Variants in EBAG9 observed in about 807,000 individuals in gnomAD.
The protein encoded by EBAG9 is estrogen receptor binding site associated antigen 9, also known as receptor-binding cancer antigen expressed on SiSo cells.
A neutral mutation model predicts 30.9 loss-of-function variants in EBAG9; 16 were observed. That is an observed-to-expected ratio of 0.52 (90% confidence interval 0.35 to 0.79). EBAG9 has a LOEUF of 0.79. Among genes scored for constraint, EBAG9 ranks in the 30% least tolerant of loss-of-function variants. The pLI is 0.01. For synonymous variants in EBAG9, 93 were observed against 82.8 expected (o/e 1.12, Z -0.67); for missense variants, 197 against 242.1 (o/e 0.81, Z 1.24).
Position 109,560,898 on chromosome 8 carries a change from G to A in EBAG9, c.490G>A (p.Asp164Asn). The change falls in exon 6 of 7, where the codon GAT (aspartate) becomes AAT (asparagine). Residue 164 changes from aspartate (D) to asparagine (N), a missense_variant. Physicochemically the swap from Asp to Asn is conservative, Grantham distance 23. Coordinates refer to ENST00000337573, the MANE Select transcript of EBAG9 (RefSeq NM_004215.5). ...TACCAATGCATGGGAAGAAGAAGAA[G>A]ATGCAGCCTGGCAAGCAGAAGAAGT... ...ENTNAWEEEE[D>N]AAWQAEEVLR... 1 of 1,612,990 alleles carries A rather than the reference G, an allele frequency of 6.2e-7. No homozygotes were observed. Among genetic ancestry groups the A allele is most frequent in the Non-Finnish European group, 8.5e-7 (1 of 1,179,390 alleles).
At position 109,564,590 on chromosome 8, in the gene EBAG9, A is replaced by T. The variant is rs1350510633; in HGVS notation, c.*31A>T. ...GTTCAAATTTTATCATGCCAGTAGG[A>T]GAAATCTCAGCTCCACAACCCAAGC... On this transcript the variant is annotated 3_prime_UTR_variant, in exon 7 of 7. Coordinates refer to ENST00000337573, the MANE Select transcript of EBAG9 (RefSeq NM_004215.5). 1 of 1,608,224 alleles carries T rather than the reference A, an allele frequency of 6.2e-7. No individual in the cohort carries two copies.
chr8:109,563,406 C>T, intron 6 of EBAG9: 1 of 1,596,880 alleles, frequency 6.3e-7, no homozygotes, highest in Non-Finnish European at 8.5e-7. Flanking sequence ...GATCCAGGAC[C>T]AATGTATGTT....
chr8:109,551,677 T>C (rs1012706594), intron 2 of EBAG9, among the ~76,000 whole-genome samples: 7 of 152,306 alleles, frequency 4.6e-5, no homozygotes, highest in Middle Eastern at 3.4e-3. Flanking sequence ...TGTTTACTTA[T>C]ATTTTTGGTG....
intron 6 of EBAG9, among the ~76,000 whole-genome samples, chr8:109,562,268 A>G (rs1821726111): frequency 6.6e-6 from 1 of 152,068 alleles, no homozygotes; most frequent in Admixed American, 6.6e-5. Flanking sequence ...GTATCTTAAT[A>G]TTGTACAAAA....
chr8:109,546,348 G>C (rs1261961146), intron 1 of EBAG9, among the ~76,000 whole-genome samples: 2 of 152,136 alleles, frequency 1.3e-5, no homozygotes, highest in African/African-American at 4.8e-5. Context: ...GATTAGTTTT[G>C]ATGAATATAT....
At chr8:109,559,540 A>G (rs1821670601) in intron 5 of EBAG9, among the ~76,000 whole-genome samples, 1 of 152,176 alleles carries the variant, frequency 6.6e-6, no homozygotes, top group South Asian at 2.1e-4. Context: ...AGCCGAGTGC[A>G]GTGGCTCACA....
Position 109,557,017 on chromosome 8 carries a change from A to C in EBAG9, c.404A>C (p.Gln135Pro). The change falls in exon 5 of 7, where the codon CAA becomes CCA. Residue 135 changes from glutamine (Q) to proline (P), a missense_variant. Coordinates refer to ENST00000337573, the MANE Select transcript of EBAG9 (RefSeq NM_004215.5). ...TTCTCTAGTAGATTAGCAGCTACAC[A>C]AGATCTGCCTTTTATTCATCAGTCT... is the stretch of plus-strand genomic sequence containing the variant. ...TGFSSRLAAT[Q>P]DLPFIHQSSE... is the part of the protein sequence containing the mutation. 1 of 1,606,842 alleles carries C rather than the reference A, an allele frequency of 6.2e-7. No individual in the cohort carries two copies. Among genetic ancestry groups the C allele is most frequent in the Non-Finnish European group, 8.5e-7 (1 of 1,175,848 alleles).
chr8:109,547,906 T>C (rs1451624982), intron 1 of EBAG9, among the ~76,000 whole-genome samples: 3 of 152,232 alleles, frequency 2.0e-5, no homozygotes, highest in African/African-American at 7.2e-5. Context: ...TTATTAGACA[T>C]ATGCTTTGCA....
chr8:109,541,229 T>G (rs1821267922), intron 1 of EBAG9, among the ~76,000 whole-genome samples: 1 of 152,216 alleles, frequency 6.6e-6, no homozygotes, highest in South Asian at 2.1e-4. Flanking sequence ...TATATTAACA[T>G]TGTTCCGTTC....
intron 5 of EBAG9, among the ~76,000 whole-genome samples, chr8:109,559,942 G>A (rs1284732035): frequency 2.6e-5 from 4 of 152,062 alleles, no homozygotes; most frequent in African/African-American, 9.7e-5. Flanking sequence ...TTTCAGAAAT[G>A]TATATTAAAT....
intron 1 of EBAG9, among the ~76,000 whole-genome samples, chr8:109,544,801 TC>T (rs1489659821): frequency 3.3e-5 from 5 of 152,220 alleles, no homozygotes; most frequent in Non-Finnish European, 5.9e-5. Context: ...CAGATTTTTT[TC>T]CCTCTTTCGT....
Position 109,565,137 on chromosome 8 carries a change from A to T in EBAG9, c.*578A>T, listed in dbSNP as rs1467593929. On this transcript the variant is annotated 3_prime_UTR_variant, in exon 7 of 7. Coordinates refer to ENST00000337573, the MANE Select transcript of EBAG9 (RefSeq NM_004215.5). Reference sequence around the variant, plus strand: ...ATTTTCATTTCATGAAAATGACATTAAATGCAATAATTTTACTTATCATAA... The same window carrying T: ...ATTTTCATTTCATGAAAATGACATTTAATGCAATAATTTTACTTATCATAA... 1 of 152,524 alleles carries T rather than the reference A, an allele frequency of 6.6e-6. No individual in the cohort carries two copies. Among genetic ancestry groups the T allele is most frequent in the Non-Finnish European group, 1.5e-5 (1 of 67,978 alleles). 9.4% of individuals were successfully genotyped at this position (152,524 alleles called of 1,614,324 possible).
At chr8:109,545,321 CAA>C (rs540899914) in intron 1 of EBAG9, among the ~76,000 whole-genome samples, 30 of 37,780 alleles carry the variant, frequency 7.9e-4, no homozygotes, top group Non-Finnish European at 1.1e-3. Flanking sequence ...GACTGTGTCT[CAA>C]AAAAAAAAAA....
intron 6 of EBAG9, 26 bp from the exon 7 acceptor site, chr8:109,564,413 A>G: frequency 6.2e-7 from 1 of 1,606,048 alleles, no homozygotes; most frequent in Non-Finnish European, 8.5e-7. Flanking sequence ...GGTATTTTCT[A>G]AAAGTAAAAG....
At chr8:109,550,734 A>G in intron 1 of EBAG9, 76 bp from the exon 2 acceptor site, 1 of 804,654 alleles carries the variant, frequency 1.2e-6, no homozygotes, top group East Asian at 2.7e-5. Context: ...CTTAGTGCAT[A>G]ATAGGTCTTT....
At chr8:109,543,469 A>G (rs1821319703) in intron 1 of EBAG9, among the ~76,000 whole-genome samples, 1 of 151,666 alleles carries the variant, frequency 6.6e-6, no homozygotes. Context: ...TGGCTTTCTG[A>G]TTTTGTTTTG....
At chr8:109,541,607 G>A (rs1177327989) in intron 1 of EBAG9, among the ~76,000 whole-genome samples, 1 of 152,140 alleles carries the variant, frequency 6.6e-6, no homozygotes, top group East Asian at 1.9e-4. Context: ...GGCTTTGACT[G>A]AGACCTATAA....
At chr8:109,560,776 A>T in intron 5 of EBAG9, 62 bp from the exon 6 acceptor site, 1 of 1,170,880 alleles carries the variant, frequency 8.5e-7, no homozygotes, top group Non-Finnish European at 1.3e-6. Context: ...TACTCTTTTT[A>T]ACGGCTATGT....
At chr8:109,546,883 T>C (rs1821396018) in intron 1 of EBAG9, among the ~76,000 whole-genome samples, 1 of 152,240 alleles carries the variant, frequency 6.6e-6, no homozygotes, top group South Asian at 2.1e-4. Flanking sequence ...TTTTTATTGC[T>C]GAGTAGTAAG....
Sources: allele counts gnomAD v4.1 joint callset (sites outside exome capture counted in the v4.1 genomes callset), GRCh38; gene constraint gnomAD v4.1.1; transcripts MANE v1.5; gene names NCBI Gene and HGNC (gene_info 2026-07-23, HGNC 2026-07-21).